The following SLC38A3 variants were observed in gnomAD, a reference collection of about 807,000 sequenced individuals.
The protein encoded by SLC38A3 is sodium-coupled neutral amino acid transporter 3.
SLC38A3 carries 17 observed loss-of-function variants against 59.5 expected under a neutral mutation model. The ratio of observed to expected loss-of-function variants is 0.29; its 90% CI spans 0.20 to 0.43. The LOEUF (loss-of-function observed/expected upper bound fraction) is 0.43, where lower values mean the gene tolerates loss of function less well. Among genes scored for constraint, SLC38A3 ranks in the 20% least tolerant of loss-of-function variants. The pLI is 1.00. For missense variants in SLC38A3, 454 were observed against 653.9 expected (o/e 0.69, Z 3.33); for synonymous variants, 238 against 260.3 (o/e 0.91, Z 0.82).
At position 50,218,093 on chromosome 3, in the gene SLC38A3, C is replaced by T. The variant is rs1192482370; in HGVS notation, c.935+97C>T. 7.8e-7 allele frequency: 1 copy of T among 1,283,082 alleles called. No homozygotes were observed. Among genetic ancestry groups the T allele is most frequent in the African/African-American group, 1.5e-5 (1 of 68,162 alleles). The allele number at this position is 1,283,082 out of a possible 1,614,324, so 79.5% of individuals were successfully genotyped here. On this transcript the variant is annotated intron_variant, in intron 11 of 15. Transcript: ENST00000614032. This position sits in a 1 kb window ranked among gnomAD's most constrained non-coding sequence, Gnocchi z 5.8. Reference sequence around the variant, plus strand: ...AATGTGGAGAGGGGAGTGACAGGAGCCAAGTCACTTTATCTGAGATGTCCT... The same window carrying T: ...AATGTGGAGAGGGGAGTGACAGGAGTCAAGTCACTTTATCTGAGATGTCCT...
intron 1 of SLC38A3, among the ~76,000 whole-genome samples, chr3:50,212,699 G>A (rs1416592461): frequency 3.9e-5 from 6 of 152,110 alleles, no homozygotes; most frequent in Non-Finnish European, 7.4e-5. Context: ...GCCAGAGGCT[G>A]CTGTGACCTC....
rs1214149822 is a variant in SLC38A3 at position 50,220,270 on chromosome 3, G to T, written c.*93G>T. The T allele has an allele frequency of 3.2e-6, 3 of 936,532 alleles. No individual in the cohort carries two copies. In the Admixed American group the frequency reaches 6.1e-5, roughly 19 times the overall value. The allele number at this position is 936,532 out of a possible 1,614,324, so 58.0% of individuals were successfully genotyped here. On this transcript the variant is annotated 3_prime_UTR_variant, in exon 16 of 16. Transcript: ENST00000614032. ...CATCCAGTGGCCAGTCGGGGGAGGA[G>T]AAAGACGCGATTAACACTGTGGCAT...
intron 1 of SLC38A3, among the ~76,000 whole-genome samples, chr3:50,211,152 G>A (rs1352683475): frequency 2.0e-5 from 3 of 152,222 alleles, no homozygotes; most frequent in Non-Finnish European, 4.4e-5. Context: ...TTATGCAGGA[G>A]CCCTTCCCTG....
intron 1 of SLC38A3, among the ~76,000 whole-genome samples, 192 bp downstream of exon 1, chr3:50,205,540 G>A (rs1028031106): frequency 2.6e-5 from 4 of 152,274 alleles, no homozygotes; most frequent in African/African-American, 9.6e-5. Context: ...TGCCAGTCGG[G>A]ACTCAGCGCC....
At chr3:50,219,025 G>T in intron 14 of SLC38A3, 77 bp downstream of exon 14, 1 of 1,545,478 alleles carries the variant, frequency 6.5e-7, no homozygotes. Context: ...GCAGATTCCT[G>T]AGCTTACACC....
Position 50,208,258 on chromosome 3 carries a change from T to C in SLC38A3, c.-52+2910T>C, listed in dbSNP as rs1336449175. On this transcript the variant is annotated intron_variant, in intron 1 of 15. Coordinates refer to ENST00000614032, the MANE Select transcript of SLC38A3 (RefSeq NM_006841.6). ...GGGGCTCTCTTTTTCTTCAGCTTTCTCTCTTTTTTTTTTTTTTTTTTTGAG... is the reference window on the plus strand; with the variant it reads ...GGGGCTCTCTTTTTCTTCAGCTTTCCCTCTTTTTTTTTTTTTTTTTTTGAG... 8.5e-5 allele frequency among the ~76,000 whole-genome samples: 12 copies of C among 141,270 alleles called. No homozygotes were observed. The South Asian group carries it at 8.5e-4, about 10-fold the overall frequency. The allele number at this position is 141,270 out of a possible 152,430, so 92.7% of individuals were successfully genotyped here.
chr3:50,218,012 TG>T lies in SLC38A3; in HGVS notation c.935+19del. ...AGCTCAAGGAGTAGGTGTCTGTGGC[TG>T]GGAGTGGGGGTGGGGATGCCCTGAG... is the stretch of plus-strand genomic sequence containing the variant. On this transcript the variant is annotated intron_variant, in intron 11 of 15. Coordinates refer to ENST00000614032, the MANE Select transcript of SLC38A3 (RefSeq NM_006841.6). The surrounding 1 kb of genome is among the most constrained non-coding windows in gnomAD (Gnocchi z 5.8). 1 of 1,613,046 alleles carries T rather than the reference TG, an allele frequency of 6.2e-7. No homozygotes were observed. The highest frequency in any genetic ancestry group is 8.5e-7 in the Non-Finnish European group (1 of 1,179,170).
In SLC38A3 at chr3:50,218,478, C is replaced by T; in HGVS notation, c.1036+108C>T. The T allele has an allele frequency of 1.9e-6, 3 of 1,559,352 alleles. No homozygotes were observed. In the South Asian group the frequency reaches 3.4e-5, roughly 17 times the overall value. On this transcript the variant is annotated intron_variant, in intron 12 of 15. Coordinates refer to ENST00000614032, the MANE Select transcript of SLC38A3 (RefSeq NM_006841.6). This position sits in a 1 kb window ranked among gnomAD's most constrained non-coding sequence, Gnocchi z 5.8. ...GCGTGTGGTGCCTGGCTGTGCCTTG[C>T]CGCTGTGGAGGTGAGTCTGCATGCC...
chr3:50,218,503 C>T lies in SLC38A3; in HGVS notation c.1037-90C>T. The T allele has an allele frequency of 6.3e-7, 1 of 1,582,788 alleles. No homozygotes were observed. Among genetic ancestry groups the T allele is most frequent in the South Asian group, 1.1e-5 (1 of 89,262 alleles). ...CCGCTGTGGAGGTGAGTCTGCATGCCAATCCCCACAGTGTTGGGGTCCCCT... is the reference window on the plus strand; with the variant it reads ...CCGCTGTGGAGGTGAGTCTGCATGCTAATCCCCACAGTGTTGGGGTCCCCT... On this transcript the variant is annotated intron_variant, in intron 12 of 15. Coordinates refer to ENST00000614032, the MANE Select transcript of SLC38A3 (RefSeq NM_006841.6). This position sits in a 1 kb window ranked among gnomAD's most constrained non-coding sequence, Gnocchi z 5.8.
Position 50,217,167 on chromosome 3 carries a change from C to A in SLC38A3, c.549-71C>A. ...TCAGTGGCACCATTGGTAACTCCAGCAGAGGGAGGCAGGGGCCCCATCCCA... is the reference window on the plus strand; with the variant it reads ...TCAGTGGCACCATTGGTAACTCCAGAAGAGGGAGGCAGGGGCCCCATCCCA... On this transcript the variant is annotated intron_variant, in intron 7 of 15. Transcript: ENST00000614032. This position sits in a 1 kb window ranked among gnomAD's most constrained non-coding sequence, Gnocchi z 4.9. 1 of 974,636 alleles carries A rather than the reference C, an allele frequency of 1.0e-6. No individual in the cohort carries two copies. The highest frequency in any genetic ancestry group is 1.6e-6 in the Non-Finnish European group (1 of 619,804). 60.4% of individuals were successfully genotyped at this position (974,636 alleles called of 1,614,324 possible).
In SLC38A3 at chr3:50,218,521, G is replaced by C. The variant is rs1387065649; in HGVS notation, c.1037-72G>C. 4 of 1,591,756 alleles carry C rather than the reference G, an allele frequency of 2.5e-6. No homozygotes were observed. The highest frequency in any genetic ancestry group is 1.7e-5 in the Admixed American group (1 of 58,760). On this transcript the variant is annotated intron_variant, in intron 12 of 15. Coordinates refer to ENST00000614032, the MANE Select transcript of SLC38A3 (RefSeq NM_006841.6). This position sits in a 1 kb window ranked among gnomAD's most constrained non-coding sequence, Gnocchi z 5.8. The stretch of plus-strand genomic sequence containing the variant: ...TGCATGCCAATCCCCACAGTGTTGG[G>C]GTCCCCTAGGCAGCTCAGATCCCAC...
At position 50,220,367 on chromosome 3, in the gene SLC38A3, A is replaced by C; in HGVS notation, c.*190A>C. The C allele has an allele frequency of 1.7e-6, 1 of 593,254 alleles. No homozygotes were observed. The highest frequency in any genetic ancestry group is 2.9e-5 in the East Asian group (1 of 35,028). 36.7% of individuals were successfully genotyped at this position (593,254 alleles called of 1,614,324 possible). The stretch of plus-strand genomic sequence containing the variant: ...CCAGGACCAAGGCCCTTGGGCCACT[A>C]CCCTGCTAGGCTCTGGAGCTGTAGA... On this transcript the variant is annotated 3_prime_UTR_variant, in exon 16 of 16. Transcript: ENST00000614032.
In SLC38A3 at chr3:50,215,297, C is replaced by T. The variant is rs587722031; in HGVS notation, c.300-89C>T. 1.1e-3 allele frequency: 1,344 copies of T among 1,205,900 alleles called. 5 individuals carry two copies. Among genetic ancestry groups the T allele is most frequent in the Middle Eastern group, 4.6e-3 (22 of 4,768 alleles). The allele number at this position is 1,205,900 out of a possible 1,614,324, so 74.7% of individuals were successfully genotyped here. A position where few individuals can be genotyped will look rare whatever the true frequency, so the allele number is the denominator to read the frequency against. ...GACACCCAGGTCACAGACCCTCCAC[C>T]CCCAGGCCTCCCAGAGCCCCTCACC... On this transcript the variant is annotated intron_variant, in intron 4 of 15. Transcript: ENST00000614032. This position sits in a 1 kb window ranked among gnomAD's most constrained non-coding sequence, Gnocchi z 7.1.
At position 50,215,623 on chromosome 3, in the gene SLC38A3, C is replaced by T. The variant is rs763076884; in HGVS notation, c.453C>T (p.Leu151=). The T allele has an allele frequency of 1.7e-5, 27 of 1,613,554 alleles. No individual in the cohort carries two copies. Among genetic ancestry groups the T allele is most frequent in the East Asian group, 2.2e-5 (1 of 44,868 alleles). Residue 151 remains leucine, a synonymous_variant, in exon 6 of 16, where the codon CTC becomes CTT. Coordinates refer to ENST00000614032, the MANE Select transcript of SLC38A3 (RefSeq NM_006841.6). This position sits in a 1 kb window ranked among gnomAD's most constrained non-coding sequence, Gnocchi z 7.1. ...GKLAAALAIT[L]QNIGAMSSYL... Reference sequence around the variant, plus strand: ...TGGCAGCAGCCCTGGCCATCACGCTCCAGAACATCGGAGGTAAGAGCAGTG... The same window carrying T: ...TGGCAGCAGCCCTGGCCATCACGCTTCAGAACATCGGAGGTAAGAGCAGTG...
At chr3:50,209,370 C>T (rs1279625768) in intron 1 of SLC38A3, among the ~76,000 whole-genome samples, 2 of 152,060 alleles carry the variant, frequency 1.3e-5, no homozygotes, top group African/African-American at 4.8e-5. Flanking sequence ...TGGCCATGGC[C>T]GGGCGCAGTG....
intron 1 of SLC38A3, among the ~76,000 whole-genome samples, chr3:50,208,239 C>T (rs1350289260): frequency 1.3e-5 from 2 of 151,046 alleles, no homozygotes; most frequent in East Asian, 1.9e-4. Flanking sequence ...TTCTGGGGCT[C>T]TCTTTTTCTT....
chr3:50,219,739 C>A, intron 14 of SLC38A3, 142 bp from the exon 15 acceptor site: 1 of 678,162 alleles, frequency 1.5e-6, no homozygotes, highest in Non-Finnish European at 2.6e-6. Flanking sequence ...GGCTGGTGGG[C>A]TAGAATCAGG....
rs1699854056 is a variant in SLC38A3 at position 50,218,489 on chromosome 3, G to A, written c.1037-104G>A. ...CTGGCTGTGCCTTGCCGCTGTGGAGGTGAGTCTGCATGCCAATCCCCACAG... is the reference window on the plus strand; with the variant it reads ...CTGGCTGTGCCTTGCCGCTGTGGAGATGAGTCTGCATGCCAATCCCCACAG... On this transcript the variant is annotated intron_variant, in intron 12 of 15. Coordinates refer to ENST00000614032, the MANE Select transcript of SLC38A3 (RefSeq NM_006841.6). The surrounding 1 kb of genome is among the most constrained non-coding windows in gnomAD (Gnocchi z 5.8). 1 of 1,572,436 alleles carries A rather than the reference G, an allele frequency of 6.4e-7. No homozygotes were observed.
chr3:50,208,754 G>A (rs1347022905), intron 1 of SLC38A3, among the ~76,000 whole-genome samples: 1 of 152,188 alleles, frequency 6.6e-6, no homozygotes, highest in Non-Finnish European at 1.5e-5. Context: ...GTGTGCATCT[G>A]CATTTCCCTG....
Sources: allele counts gnomAD v4.1 joint callset (sites outside exome capture counted in the v4.1 genomes callset), GRCh38; gene constraint gnomAD v4.1.1; non-coding constraint Gnocchi (gnomAD v3.1); transcripts MANE v1.5; gene names NCBI Gene and HGNC (gene_info 2026-07-23, HGNC 2026-07-21).